Variants in PLEKHA1 observed in about 807,000 individuals in gnomAD.
PLEKHA1 encodes the protein pleckstrin homology domain containing A1.
PLEKHA1 carries 34 observed loss-of-function variants against 52.0 expected under a neutral mutation model. The ratio of observed to expected loss-of-function variants is 0.65; its 90% confidence interval spans 0.50 to 0.87. The LOEUF (loss-of-function observed/expected upper bound fraction) is 0.87, where lower values mean the gene tolerates loss of function less well. Ranked by LOEUF, PLEKHA1 falls within the 40% of genes least tolerant of loss-of-function variation. The pLI, the probability that PLEKHA1 is intolerant of heterozygous loss-of-function variation, is 0.00. For synonymous variants in PLEKHA1, 163 were observed against 170.7 expected, an observed-to-expected ratio of 0.95 and a Z score of 0.35; for missense variants, 497 against 504.2, an observed-to-expected ratio of 0.99 and a Z score of 0.14.
intron 4 of PLEKHA1, among the ~76,000 whole-genome samples, chr10:122,405,742 G>A (rs1037654389): frequency 6.6e-6 from 1 of 152,116 alleles, no homozygotes; most frequent in Non-Finnish European, 1.5e-5. Flanking sequence ...AGAAGGGGTA[G>A]TAGTATTACT....
At chr10:122,412,742 A>C in intron 5 of PLEKHA1, 178 bp from the exon 6 acceptor site, 1 of 632,970 alleles carries the variant, frequency 1.6e-6, no homozygotes, top group Non-Finnish European at 2.6e-6. Flanking sequence ...TATATTATAA[A>C]ATATTATTCT....
Position 122,393,097 on chromosome 10 carries a change from C to A in PLEKHA1, c.-20-84C>A. 1 of 1,086,980 alleles carries A rather than the reference C, an allele frequency of 9.2e-7. No homozygotes were observed. The highest frequency in any genetic ancestry group is 1.3e-6 in the Non-Finnish European group (1 of 782,834). 67.3% of individuals were successfully genotyped at this position (1,086,980 alleles called of 1,614,324 possible). A position where few individuals can be genotyped will look rare whatever the true frequency, so the allele number is the denominator to read the frequency against. On this transcript the variant is annotated intron_variant, in intron 1 of 11. Transcript: ENST00000368990. The surrounding 1 kb of genome is among the most constrained non-coding windows in gnomAD (Gnocchi z 4.5). ...GACCTTACCTAATGTTGGCAAGTTG[C>A]CCCCTCATTGAACAGATTTGCAGTC...
At chr10:122,429,511 TGTGTG>T in intron 11 of PLEKHA1, 108 bp from the exon 12 acceptor site, 1 of 847,884 alleles carries the variant, frequency 1.2e-6, no homozygotes, top group Admixed American at 2.5e-5. Flanking sequence ...TGTGTGTGTG[TGTGTG>T]TGTGTGTGTG....
Position 122,389,715 on chromosome 10 carries a change from AT to A in PLEKHA1, c.-20-3457del, listed in dbSNP as rs1290726950. On this transcript the variant is annotated intron_variant, in intron 1 of 11. Coordinates refer to ENST00000368990, the MANE Select transcript of PLEKHA1 (RefSeq NM_001001974.4). ...AGCAAGACTCCATCTCAAAAAAAAA[AT>A]TTTTTTTTCAGTAAAACATGCTGTA... 1.4e-4 allele frequency among the ~76,000 whole-genome samples: 21 copies of A among 151,348 alleles called. 1 individual carries two copies. Among genetic ancestry groups the A allele is most frequent in the East Asian group, 1.9e-4 (1 of 5,168 alleles).
chr10:122,428,343 G>GCA, intron 11 of PLEKHA1: 1 of 1,545,330 alleles, frequency 6.5e-7, no homozygotes, highest in East Asian at 2.5e-5. Flanking sequence ...GGTGAATGCA[G>GCA]CACGTATGTG....
intron 5 of PLEKHA1, among the ~76,000 whole-genome samples, chr10:122,408,979 G>T (rs1274611956): frequency 6.6e-6 from 1 of 152,164 alleles, no homozygotes; most frequent in Non-Finnish European, 1.5e-5. Flanking sequence ...TCCAAAATTA[G>T]AGTTTGGAAG....
At chr10:122,377,971 T>C (rs1392465436) in intron 1 of PLEKHA1, among the ~76,000 whole-genome samples, 2 of 152,222 alleles carry the variant, frequency 1.3e-5, no homozygotes, top group Non-Finnish European at 2.9e-5. Context: ...GAGCAAAATA[T>C]TGTTTCCTAC....
At position 122,429,495 on chromosome 10, in the gene PLEKHA1, TGTG is replaced by T. The variant is rs1228786674; in HGVS notation, c.901-128_901-126del. On this transcript the variant is annotated intron_variant, in intron 11 of 11. Coordinates refer to ENST00000368990, the MANE Select transcript of PLEKHA1 (RefSeq NM_001001974.4). ...GCTGCATGGCTTCTGCTGCTGCCTT[TGTG>T]TGTGTGTGTGTGTGTGTGTGTGTGT... The T allele has an allele frequency of 9.2e-3, 456 of 49,694 alleles. 4 individuals carry two copies. In the African/African-American group the frequency reaches 0.12, roughly 13 times the overall value. The allele number at this position is 49,694 out of a possible 1,614,324, so 3.1% of individuals were successfully genotyped here.
chr10:122,421,679 C>G (rs2097262189), intron 8 of PLEKHA1: 1 of 151,604 alleles, frequency 6.6e-6, no homozygotes, highest in Non-Finnish European at 1.5e-5. Context: ...ACCTGGTAGG[C>G]AAATGAACAA....
At chr10:122,409,253 A>G (rs1261301290) in intron 5 of PLEKHA1, among the ~76,000 whole-genome samples, 1 of 152,078 alleles carries the variant, frequency 6.6e-6, no homozygotes, top group East Asian at 1.9e-4. Context: ...TAATACCCCA[A>G]CAAACCCACT....
intron 1 of PLEKHA1, among the ~76,000 whole-genome samples, chr10:122,379,595 T>TA (rs540058225): frequency 2.3e-4 from 35 of 152,366 alleles, no homozygotes; most frequent in South Asian, 2.3e-3. Flanking sequence ...CCTGAAGACT[T>TA]ACAGTTCTTT....
intron 1 of PLEKHA1, among the ~76,000 whole-genome samples, chr10:122,380,638 T>G (rs1422134401): frequency 2.0e-5 from 3 of 151,842 alleles, no homozygotes; most frequent in Admixed American, 6.6e-5. Context: ...AGGGCTTTGG[T>G]TTTTAGGTTT....
At chr10:122,405,782 C>T (rs2097002495) in intron 4 of PLEKHA1, among the ~76,000 whole-genome samples, 1 of 152,054 alleles carries the variant, frequency 6.6e-6, no homozygotes, top group African/African-American at 2.4e-5. Context: ...TAGAAGCCAC[C>T]ATGGAGCTAT....
At chr10:122,440,034 C>T in the PLEKHA1 span, 1 of 152,162 alleles carries the variant, frequency 6.6e-6, no homozygotes. Context: ...CTTTGTTCTT[C>T]AACTCAAAAT....
intron 11 of PLEKHA1, 91 bp downstream of exon 11, chr10:122,427,122 T>C (rs1358400035): frequency 5.7e-6 from 7 of 1,228,142 alleles, no homozygotes; most frequent in Non-Finnish European, 8.0e-6. Flanking sequence ...TTTCTTTCTT[T>C]CTTGAGATTT....
chr10:122,437,497 G>T, the PLEKHA1 span: 1 of 152,212 alleles, frequency 6.6e-6, no homozygotes. Flanking sequence ...AAAAATGTGG[G>T]AGTCTTCAAA....
Position 122,405,770 on chromosome 10 carries a change from A to C in PLEKHA1, c.245-806A>C, listed in dbSNP as rs373586492. ...GTATTACTATAACCTAGGGCAGTGG[A>C]GTAGAAGCCACCATGGAGCTATTAG... On this transcript the variant is annotated intron_variant, in intron 4 of 11. Coordinates refer to ENST00000368990, the MANE Select transcript of PLEKHA1 (RefSeq NM_001001974.4). Among the ~76,000 whole-genome samples the C allele has an allele frequency of 1.3e-4, 20 of 152,212 alleles. No homozygotes were observed. The East Asian group carries it at 2.5e-3, about 19-fold the overall frequency.
chr10:122,402,281 A>T (rs1433654360), intron 4 of PLEKHA1, among the ~76,000 whole-genome samples: 1 of 152,186 alleles, frequency 6.6e-6, no homozygotes, highest in Non-Finnish European at 1.5e-5. Flanking sequence ...GCAATAGTTT[A>T]TTAGTCCTCT....
In PLEKHA1 at chr10:122,427,096, C is replaced by T. The variant is rs147404763; in HGVS notation, c.900+65C>T. The T allele has an allele frequency of 3.5e-4, 488 of 1,406,994 alleles. 3 individuals are homozygous for T. The highest frequency in any genetic ancestry group is 9.5e-5 in the Non-Finnish European group (96 of 1,009,500). The allele number at this position is 1,406,994 out of a possible 1,614,324, so 87.2% of individuals were successfully genotyped here. On this transcript the variant is annotated intron_variant, in intron 11 of 11. Coordinates refer to ENST00000368990, the MANE Select transcript of PLEKHA1 (RefSeq NM_001001974.4). ...TCCCCCATCCTATCAAATTTCCTCT[C>T]TCCCAATCCATCCGGTTTCTTTCTT...
Sources: allele counts gnomAD v4.1 joint callset (sites outside exome capture counted in the v4.1 genomes callset), GRCh38; gene constraint gnomAD v4.1.1; non-coding constraint Gnocchi (gnomAD v3.1); transcripts MANE v1.5; gene names NCBI Gene and HGNC (gene_info 2026-07-23, HGNC 2026-07-21).